The following LCP1 variants were observed in gnomAD, a reference collection of about 807,000 sequenced individuals.
The protein encoded by LCP1 is plastin-2.
A neutral mutation model predicts 72.0 loss-of-function variants in LCP1; 23 were observed. The ratio of observed to expected loss-of-function variants is 0.32; its 90% CI spans 0.23 to 0.45. LCP1 has a LOEUF of 0.45. Among genes scored for constraint, LCP1 ranks in the 20% least tolerant of loss-of-function variants. The probability of loss-of-function intolerance (pLI) is 1.00; values close to 1 mark genes in which losing one functional copy is unlikely to be tolerated. For synonymous variants in LCP1, 245 were observed against 275.4 expected, an observed-to-expected ratio of 0.89 and a Z score of 1.09; for missense variants, 571 against 748.3, an observed-to-expected ratio of 0.76 and a Z score of 2.76.
intron 13 of LCP1, among the ~76,000 whole-genome samples, chr13:46,136,550 T>C (rs1015857863): frequency 1.3e-5 from 2 of 152,122 alleles, no homozygotes; most frequent in African/African-American, 4.8e-5. Flanking sequence ...GGGACCAAAA[T>C]GCTGAGAAAT....
At chr13:46,172,966 A>C (rs2045911751) in intron 1 of LCP1, among the ~76,000 whole-genome samples, 1 of 152,204 alleles carries the variant, frequency 6.6e-6, no homozygotes, top group Non-Finnish European at 1.5e-5. Context: ...GTTTGGTCGA[A>C]GCAATGCGTG....
chr13:46,170,408 CTT>C (rs2045899185), intron 1 of LCP1, among the ~76,000 whole-genome samples: 1 of 152,196 alleles, frequency 6.6e-6, no homozygotes, highest in African/African-American at 2.4e-5. Flanking sequence ...TGAGGCTGGG[CTT>C]CTTGGCACTG....
intron 4 of LCP1, among the ~76,000 whole-genome samples, chr13:46,157,723 TA>T (rs1192676792): frequency 6.6e-6 from 1 of 151,596 alleles, no homozygotes; most frequent in Non-Finnish European, 1.5e-5. Context: ...CTATAGATGG[TA>T]TTTAATCATG....
At chr13:46,138,138 G>A (rs2045675734) in intron 13 of LCP1, among the ~76,000 whole-genome samples, 1 of 152,172 alleles carries the variant, frequency 6.6e-6, no homozygotes, top group Non-Finnish European at 1.5e-5. Flanking sequence ...TATGCTGTTT[G>A]CCAACTGTCC....
chr13:46,133,937 G>T (rs1389620060), intron 14 of LCP1, among the ~76,000 whole-genome samples, 190 bp downstream of exon 14: 1 of 152,112 alleles, frequency 6.6e-6, no homozygotes, highest in Non-Finnish European at 1.5e-5. Flanking sequence ...ACTTATGGGA[G>T]AAAGTATTGA....
chr13:46,151,331 G>A (rs768888636), intron 7 of LCP1, among the ~76,000 whole-genome samples: 2 of 152,168 alleles, frequency 1.3e-5, no homozygotes, highest in African/African-American at 4.8e-5. Flanking sequence ...GAATCTCAAC[G>A]CTATGTTTAA....
In LCP1 at chr13:46,130,730, A is replaced by T. The variant is rs1313584263; in HGVS notation, c.1751+84T>A. 2.7e-6 allele frequency: 4 copies of T among 1,464,516 alleles called. No homozygotes were observed. In the Admixed American group the frequency reaches 6.0e-5, roughly 22 times the overall value. 90.7% of individuals were successfully genotyped at this position (1,464,516 alleles called of 1,614,324 possible). On this transcript the variant is annotated intron_variant, in intron 15 of 15. Coordinates refer to ENST00000323076, the MANE Select transcript of LCP1 (RefSeq NM_002298.5). ...TAGTGAAAATGAAATGTTTGTATAA[A>T]GGCATGAGCATTAGACTTTACAACC...
rs369196296 is a variant in LCP1, at chr13:46,162,330, C to T, written c.-24-2644G>A. On this transcript the variant is annotated intron_variant, in intron 1 of 15. Transcript: ENST00000323076. ...CGGTCTCCCTCTCCCTCTCTTTCCA[C>T]GTTCTCCCTCTGATGCCGAGCAGAA... Among the ~76,000 whole-genome samples the T allele has an allele frequency of 7.4e-4, 108 of 145,042 alleles. 1 individual carries two copies. In the East Asian group the frequency reaches 0.018, roughly 25 times the overall value.
intron 14 of LCP1, among the ~76,000 whole-genome samples, chr13:46,133,449 GA>G (rs2138218866): frequency 6.6e-6 from 1 of 152,118 alleles, no homozygotes; most frequent in Admixed American, 6.5e-5. Context: ...CACATAGTGA[GA>G]CCTCATTTCC....
At chr13:46,162,461 G>C (rs1295174674) in intron 1 of LCP1, among the ~76,000 whole-genome samples, 1 of 151,970 alleles carries the variant, frequency 6.6e-6, no homozygotes, top group African/African-American at 2.4e-5. Context: ...CTCCAGGCCT[G>C]ACTCGTTTTC....
chr13:46,161,557 C>A (rs1000274038), intron 1 of LCP1, among the ~76,000 whole-genome samples: 10 of 152,152 alleles, frequency 6.6e-5, no homozygotes, highest in South Asian at 2.1e-4. Flanking sequence ...CCCTCCCTCT[C>A]GTCCTTTTTT....
chr13:46,157,029 C>T (rs1175670788), intron 4 of LCP1, among the ~76,000 whole-genome samples: 1 of 151,782 alleles, frequency 6.6e-6, no homozygotes, highest in Non-Finnish European at 1.5e-5. Flanking sequence ...ATCGTGTTAG[C>T]CAGGATGGTC....
At chr13:46,181,001 A>G (rs1247495950) in intron 1 of LCP1, among the ~76,000 whole-genome samples, 1 of 152,250 alleles carries the variant, frequency 6.6e-6, no homozygotes, top group East Asian at 1.9e-4. Context: ...GATTAATTCT[A>G]TTCAAATTTG....
intron 15 of LCP1, among the ~76,000 whole-genome samples, chr13:46,128,471 G>C (rs183975454): frequency 6.6e-6 from 1 of 152,090 alleles, no homozygotes; most frequent in African/African-American, 2.4e-5. Flanking sequence ...GGTGGCGTGC[G>C]CCTGTAGTCC....
At chr13:46,176,142 G>A (rs2045928357) in intron 1 of LCP1, among the ~76,000 whole-genome samples, 1 of 152,146 alleles carries the variant, frequency 6.6e-6, no homozygotes, top group Non-Finnish European at 1.5e-5. Context: ...ATGTTCTATA[G>A]CACTATAGGA....
At chr13:46,176,145 C>T (rs1279060991) in intron 1 of LCP1, among the ~76,000 whole-genome samples, 1 of 152,040 alleles carries the variant, frequency 6.6e-6, no homozygotes, top group Non-Finnish European at 1.5e-5. Context: ...TTCTATAGCA[C>T]TATAGGATAA....
intron 1 of LCP1, among the ~76,000 whole-genome samples, chr13:46,181,659 T>C (rs1255188321): frequency 6.6e-6 from 1 of 152,150 alleles, no homozygotes; most frequent in Non-Finnish European, 1.5e-5. Context: ...AAGAAGTTTT[T>C]TAGAAAAACA....
At chr13:46,179,507 A>G (rs973139453) in intron 1 of LCP1, among the ~76,000 whole-genome samples, 2 of 152,208 alleles carry the variant, frequency 1.3e-5, no homozygotes, top group Non-Finnish European at 2.9e-5. Context: ...TTAATGTTAT[A>G]CTTACTCCAA....
In LCP1 at chr13:46,156,461, A is replaced by C; in HGVS notation, c.468T>G (p.Ala156=). The C allele has an allele frequency of 5.6e-6, 9 of 1,613,644 alleles. No individual in the cohort carries two copies. The highest frequency in any genetic ancestry group is 7.6e-6 in the Non-Finnish European group (9 of 1,179,814). The stretch of plus-strand genomic sequence containing the variant: ...ACCAAAGGACAATGCCATCTCCAAC[A>C]GCATTAAAGAGATCATTCGTGTTTG... ...MNPNTNDLFN[A]VGDGIVLCKM... is the part of the protein sequence containing the mutation. The change falls in exon 5 of 16, where the codon GCT becomes GCG. Residue 156 remains alanine (A), a synonymous_variant. Coordinates refer to ENST00000323076, the MANE Select transcript of LCP1 (RefSeq NM_002298.5).
Sources: gnomAD v4.1 joint callset for allele counts (sites outside exome capture counted in the v4.1 genomes callset) on GRCh38, gnomAD v4.1.1 for gene constraint, MANE v1.5 for transcripts, NCBI Gene and HGNC (gene_info 2026-07-23, HGNC 2026-07-21) for gene names.